Variants in DLGAP2 observed in about 807,000 individuals in gnomAD.
DLGAP2 encodes DLG associated protein 2.
Under a neutral mutation model 100.3 loss-of-function variants are expected in DLGAP2, and 26 were observed. The ratio of observed to expected loss-of-function variants is 0.26; its 90% CI spans 0.19 to 0.36. The LOEUF is 0.36. Among genes scored for constraint, DLGAP2 ranks in the 10% least tolerant of loss-of-function variants. The probability of loss-of-function intolerance (pLI) is 1.00; values close to 1 mark genes in which losing one functional copy is unlikely to be tolerated. For synonymous variants in DLGAP2, 886 were observed against 630.1 expected (o/e 1.41, Z -6.08); for missense variants, 1,858 against 1,453.2 (o/e 1.28, Z -4.53).
chr8:1,150,154 G>A (rs541876615), intron 2 of DLGAP2, among the ~76,000 whole-genome samples: 1 of 152,240 alleles, frequency 6.6e-6, no homozygotes, highest in South Asian at 2.1e-4. Flanking sequence ...TTGCTTTAGT[G>A]TGAATCTCTT....
chr8:1,464,844 G>A (rs1004485535), intron 3 of DLGAP2, among the ~76,000 whole-genome samples: 1 of 152,182 alleles, frequency 6.6e-6, no homozygotes, highest in Admixed American at 6.5e-5. Context: ...ATCAGAAGCT[G>A]ACCTTCCTAT....
intron 3 of DLGAP2, among the ~76,000 whole-genome samples, chr8:1,424,423 C>G (rs541359894): frequency 5.1e-4 from 77 of 152,214 alleles, no homozygotes; most frequent in African/African-American, 1.7e-3. Context: ...GTTGTGATTT[C>G]CAAATGAAAT....
chr8:1,332,442 T>G (rs139062155), intron 3 of DLGAP2, among the ~76,000 whole-genome samples: 3,022 of 152,236 alleles, frequency 0.02, 51 homozygotes, highest in Non-Finnish European at 0.029. Context: ...TATGTCTGTG[T>G]ACACATGTGT....
At chr8:1,635,782 G>A (rs1172560351) in intron 8 of DLGAP2, among the ~76,000 whole-genome samples, 3 of 152,188 alleles carry the variant, frequency 2.0e-5, no homozygotes, top group African/African-American at 7.2e-5. Flanking sequence ...CATGAAAGAT[G>A]TATTGAGAAC....
At chr8:1,594,672 C>A (rs1156933566) in intron 6 of DLGAP2, among the ~76,000 whole-genome samples, 1 of 152,182 alleles carries the variant, frequency 6.6e-6, no homozygotes, top group African/African-American at 2.4e-5. Flanking sequence ...GATCTGCCCA[C>A]CTCGGCCTCC....
intron 10 of DLGAP2, among the ~76,000 whole-genome samples, chr8:1,675,467 G>A (rs1038601005): frequency 3.9e-5 from 6 of 152,204 alleles, no homozygotes; most frequent in South Asian, 2.1e-4. Context: ...ATAAGTCTTC[G>A]CTGTTACCAT....
chr8:1,485,389 A>C (rs894814414), intron 3 of DLGAP2, among the ~76,000 whole-genome samples: 1 of 152,260 alleles, frequency 6.6e-6, no homozygotes, highest in Non-Finnish European at 1.5e-5. Flanking sequence ...GCGTTCATGC[A>C]GATGCAGGAT....
chr8:938,681 A>G (rs1015553157), intron 2 of DLGAP2, among the ~76,000 whole-genome samples: 1 of 152,182 alleles, frequency 6.6e-6, no homozygotes, highest in Non-Finnish European at 1.5e-5. Flanking sequence ...ACCAGCCGGC[A>G]TGGCAGCCCT....
At chr8:777,371 G>A (rs1383895497) in intron 1 of DLGAP2, among the ~76,000 whole-genome samples, 1 of 151,858 alleles carries the variant, frequency 6.6e-6, no homozygotes, top group African/African-American at 2.4e-5. Flanking sequence ...ATATTGTTAT[G>A]TGTGAATTTG....
At chr8:1,614,612 C>T (rs1042243793) in intron 6 of DLGAP2, among the ~76,000 whole-genome samples, 1 of 152,228 alleles carries the variant, frequency 6.6e-6, no homozygotes, top group African/African-American at 2.4e-5. Context: ...GGCGGAGCCC[C>T]CTGTGGCACA....
chr8:1,458,411 G>A (rs1260137182), intron 3 of DLGAP2, among the ~76,000 whole-genome samples: 1 of 151,984 alleles, frequency 6.6e-6, no homozygotes, highest in Non-Finnish European at 1.5e-5. Context: ...ATCATACCTG[G>A]CCTTTTATTG....
At chr8:1,221,231 A>T (rs186790923) in intron 2 of DLGAP2, among the ~76,000 whole-genome samples, 2 of 152,178 alleles carry the variant, frequency 1.3e-5, no homozygotes, top group Non-Finnish European at 2.9e-5. Context: ...GTGGTGGCAG[A>T]TAAGGGTCTT....
chr8:1,098,600 C>T (rs1276159835), intron 2 of DLGAP2, among the ~76,000 whole-genome samples: 6 of 106,900 alleles, frequency 5.6e-5, no homozygotes, highest in Admixed American at 5.6e-4. Context: ...ACCAGGCTCC[C>T]GGCCGCCCAC....
At chr8:740,807 T>C (rs1050203785) in intron 1 of DLGAP2, among the ~76,000 whole-genome samples, 1 of 152,238 alleles carries the variant, frequency 6.6e-6, no homozygotes, top group Non-Finnish European at 1.5e-5. Context: ...AGTTGAATGA[T>C]GTATACTTTG....
At chr8:803,455 G>C (rs143414242) in intron 1 of DLGAP2, among the ~76,000 whole-genome samples, 1,693 of 151,912 alleles carry the variant, frequency 0.011, 16 homozygotes, top group Non-Finnish European at 0.018. Context: ...GGATCCTTGA[G>C]GCCACCTCTA....
intron 3 of DLGAP2, among the ~76,000 whole-genome samples, chr8:1,423,972 C>G (rs765116372): frequency 6.6e-6 from 1 of 152,228 alleles, no homozygotes; most frequent in Non-Finnish European, 1.5e-5. Context: ...GATCAACTCA[C>G]ATGACTGGAA....
intron 6 of DLGAP2, among the ~76,000 whole-genome samples, chr8:1,590,928 A>C (rs1481664035): frequency 6.6e-6 from 1 of 152,250 alleles, no homozygotes; most frequent in Non-Finnish European, 1.5e-5. Context: ...AAGCCACCTT[A>C]AAGAAGCCAT....
intron 2 of DLGAP2, among the ~76,000 whole-genome samples, chr8:1,130,492 T>G (rs1585088634): frequency 6.6e-6 from 1 of 152,136 alleles, no homozygotes; most frequent in East Asian, 1.9e-4. Context: ...GGAATTTGTG[T>G]CTAAAAAGGG....
intron 8 of DLGAP2, among the ~76,000 whole-genome samples, chr8:1,666,312 C>T (rs1350600126): frequency 2.6e-5 from 4 of 152,236 alleles, no homozygotes; most frequent in African/African-American, 9.6e-5. Context: ...GATTTCATAA[C>T]ATCTGATCAT....
Sources: allele counts gnomAD v4.1 joint callset (sites outside exome capture counted in the v4.1 genomes callset), GRCh38; gene constraint gnomAD v4.1.1; transcripts MANE v1.5; gene names NCBI Gene and HGNC (gene_info 2026-07-23, HGNC 2026-07-21).